The following IL19 variants were observed in gnomAD, a reference collection of about 807,000 sequenced individuals.
The protein encoded by IL19 is interleukin-19.
IL19 carries 15 observed loss-of-function variants against 19.5 expected under a neutral mutation model. The observed-to-expected ratio is 0.77, with a 90% CI of 0.52 to 1.19. The LOEUF (loss-of-function observed/expected upper bound fraction) is 1.19, where lower values mean the gene tolerates loss of function less well. IL19 is among the 50% of genes most tolerant of loss of function. The pLI is 0.00. For missense variants in IL19, 199 were observed against 213.1 expected, an observed-to-expected ratio of 0.93 and a Z score of 0.41; for synonymous variants, 78 against 78.3, an observed-to-expected ratio of 1.00 and a Z score of 0.02.
chr1:206,840,029 A>C, intron 5 of IL19, 27 bp downstream of exon 5: 2 of 1,613,820 alleles, frequency 1.2e-6, no homozygotes, highest in Non-Finnish European at 1.7e-6. Flanking sequence ...GAATTCCAGC[A>C]TCTGCTCCCT....
intron 2 of IL19, among the ~76,000 whole-genome samples, chr1:206,804,290 G>C (rs1380559904): frequency 6.6e-6 from 1 of 152,164 alleles, no homozygotes; most frequent in African/African-American, 2.4e-5. Context: ...TGACAAAGAG[G>C]GTTCCTGTGC....
intron 1 of IL19, among the ~76,000 whole-genome samples, chr1:206,785,016 G>A (rs1483071572): frequency 2.6e-5 from 4 of 152,196 alleles, no homozygotes; most frequent in Admixed American, 2.6e-4. Flanking sequence ...AGTCCCAGGA[G>A]TTGCCAGCTG....
rs1675475561 is a variant in IL19 at position 206,794,524 on chromosome 1, C to T, written c.-148-4337C>T. Among the ~76,000 whole-genome samples, 3 of 152,136 alleles carry T rather than the reference C, an allele frequency of 2.0e-5. No individual in the cohort carries two copies. In the South Asian group the frequency reaches 6.2e-4, roughly 32 times the overall value. On this transcript the variant is annotated intron_variant, in intron 1 of 6. Coordinates refer to ENST00000659997, the MANE Select transcript of IL19 (RefSeq NM_153758.5). ...TCTGAGCTCTTATACTATGGTTGGC[C>T]CCGGGTCCTCCTGTTGGGTCCTCCC... is the stretch of plus-strand genomic sequence containing the variant.
At chr1:206,773,959 G>A (rs5743624) in intron 1 of IL19, among the ~76,000 whole-genome samples, 2,067 of 152,320 alleles carry the variant, frequency 0.014, 45 homozygotes, top group African/African-American at 0.047. Flanking sequence ...CTGCCAGGGA[G>A]CATTGAGCTT....
intron 1 of IL19, among the ~76,000 whole-genome samples, chr1:206,794,886 G>T (rs1016068882): frequency 6.6e-6 from 1 of 152,142 alleles, no homozygotes; most frequent in Non-Finnish European, 1.5e-5. Context: ...CATGTGAATT[G>T]GCAAAAGTGC....
At chr1:206,802,455 C>G (rs752439771) in intron 2 of IL19, among the ~76,000 whole-genome samples, 2 of 151,884 alleles carry the variant, frequency 1.3e-5, no homozygotes, top group African/African-American at 4.8e-5. Flanking sequence ...CTTTATCAAG[C>G]GATTACCCCT....
intron 4 of IL19, among the ~76,000 whole-genome samples, 187 bp from the exon 5 acceptor site, chr1:206,839,663 T>G (rs1312104126): frequency 6.6e-6 from 1 of 152,192 alleles, no homozygotes; most frequent in Non-Finnish European, 1.5e-5. Flanking sequence ...GAATCTCTTC[T>G]CACTATTTTT....
chr1:206,832,232 C>T (rs1199224929), intron 2 of IL19, among the ~76,000 whole-genome samples: 8 of 152,260 alleles, frequency 5.3e-5, no homozygotes, highest in South Asian at 2.1e-4. Context: ...GTGCCTGGCA[C>T]ACAGGATAGA....
intron 2 of IL19, among the ~76,000 whole-genome samples, chr1:206,810,027 C>T (rs907113958): frequency 5.3e-5 from 8 of 152,202 alleles, no homozygotes; most frequent in Non-Finnish European, 1.2e-4. Flanking sequence ...ACTTGCCTCA[C>T]CATTAGGGTC....
At chr1:206,802,874 G>A (rs1471308097) in intron 2 of IL19, among the ~76,000 whole-genome samples, 1 of 152,172 alleles carries the variant, frequency 6.6e-6, no homozygotes, top group Admixed American at 6.5e-5. Context: ...AAGAAGGACT[G>A]TTAAGGAAGA....
chr1:206,792,407 A>T (rs1018090695), intron 1 of IL19, among the ~76,000 whole-genome samples: 1 of 152,072 alleles, frequency 6.6e-6, no homozygotes, highest in East Asian at 1.9e-4. Flanking sequence ...TGACAAAAAC[A>T]TGATGCTCTG....
intron 6 of IL19, among the ~76,000 whole-genome samples, chr1:206,842,262 A>G (rs376643134): frequency 4.0e-5 from 6 of 151,686 alleles, no homozygotes; most frequent in African/African-American, 7.3e-5. Flanking sequence ...AAAACAGAGG[A>G]AAAAAAAACC....
intron 6 of IL19, among the ~76,000 whole-genome samples, chr1:206,842,222 G>A (rs1356591647): frequency 6.6e-6 from 1 of 151,948 alleles, no homozygotes; most frequent in African/African-American, 2.4e-5. Flanking sequence ...AGCGGAACTG[G>A]CCAGTAAGGC....
chr1:206,828,060 T>A (rs901732248), intron 2 of IL19, among the ~76,000 whole-genome samples: 1 of 152,282 alleles, frequency 6.6e-6, no homozygotes, highest in Admixed American at 6.5e-5. Context: ...AGTCTACTCT[T>A]TTAGTCTATG....
intron 2 of IL19, among the ~76,000 whole-genome samples, chr1:206,829,622 C>T (rs778107772): frequency 1.3e-5 from 2 of 152,092 alleles, no homozygotes; most frequent in African/African-American, 2.4e-5. Context: ...GGCCCCAGGG[C>T]GTTATGCTGG....
At chr1:206,779,430 C>T (rs994622600) in intron 1 of IL19, among the ~76,000 whole-genome samples, 3 of 152,110 alleles carry the variant, frequency 2.0e-5, no homozygotes, top group Non-Finnish European at 4.4e-5. Flanking sequence ...TTTTATGCAC[C>T]CTTAACTTGT....
chr1:206,785,476 G>A (rs1675250260), intron 1 of IL19, among the ~76,000 whole-genome samples: 1 of 152,200 alleles, frequency 6.6e-6, no homozygotes. Context: ...TCTAATCCTG[G>A]AAGCTGAGTT....
At chr1:206,778,013 A>G (rs1008978509) in intron 1 of IL19, among the ~76,000 whole-genome samples, 2 of 152,192 alleles carry the variant, frequency 1.3e-5, no homozygotes, top group African/African-American at 4.8e-5. Flanking sequence ...GGCTTTCCTG[A>G]CATTGGCTTT....
intron 1 of IL19, among the ~76,000 whole-genome samples, chr1:206,772,653 T>C (rs936337730): frequency 2.6e-5 from 4 of 152,220 alleles, no homozygotes; most frequent in Non-Finnish European, 5.9e-5. Flanking sequence ...AATTTTTGCA[T>C]CGTAAGCAAA....
Sources: allele counts gnomAD v4.1 joint callset (sites outside exome capture counted in the v4.1 genomes callset), GRCh38; gene constraint gnomAD v4.1.1; transcripts MANE v1.5; gene names NCBI Gene and HGNC (gene_info 2026-07-23, HGNC 2026-07-21).